STARD13: variants seen among roughly 807,000 people sequenced by gnomAD.
STARD13 encodes stAR-related lipid transfer protein 13.
Under a neutral mutation model 106.4 loss-of-function variants are expected in STARD13, and 62 were observed. That is an observed-to-expected ratio of 0.58 (90% confidence interval 0.48 to 0.72). STARD13 has a LOEUF of 0.72. Ranked by LOEUF, STARD13 falls within the 30% of genes least tolerant of loss-of-function variation. STARD13 has a pLI of 0.00. For missense variants in STARD13, 1,387 were observed against 1,424.0 expected (o/e 0.97, Z 0.42); for synonymous variants, 565 against 553.0 (o/e 1.02, Z -0.31).
chr13:33,165,519 G>T, intron 2 of STARD13, 101 bp from the exon 3 acceptor site: 1 of 819,790 alleles, frequency 1.2e-6, no homozygotes, highest in Non-Finnish European at 2.0e-6. Context: ...GATTTTAATA[G>T]CAGTGACTGC....
chr13:33,528,243 C>CATATATATATACATATATATAT, the STARD13 span, among the ~76,000 whole-genome samples: 8 of 93,478 alleles, frequency 8.6e-5, no homozygotes, highest in African/African-American at 5.0e-4. Context: ...TATATATATA[C>CATATATATATACATATATATAT]ATATATATAT....
the STARD13 span, among the ~76,000 whole-genome samples, chr13:33,607,119 G>A: frequency 2.9e-3 from 430 of 147,850 alleles, 3 homozygotes; most frequent in African/African-American, 0.01. Flanking sequence ...TTTGCCTACC[G>A]CAACTGATTT....
chr13:33,527,617 G>A, the STARD13 span, among the ~76,000 whole-genome samples: 2 of 151,866 alleles, frequency 1.3e-5, no homozygotes, highest in Non-Finnish European at 2.9e-5. Flanking sequence ...TCCAAGCCAG[G>A]AGAAATAAAG....
At chr13:33,516,362 A>G in the STARD13 span, among the ~76,000 whole-genome samples, 1 of 151,438 alleles carries the variant, frequency 6.6e-6, no homozygotes, top group African/African-American at 2.4e-5. Flanking sequence ...TACTTACCTT[A>G]AGAACACCGA....
the STARD13 span, among the ~76,000 whole-genome samples, chr13:33,503,212 G>A: frequency 6.6e-6 from 1 of 152,114 alleles, no homozygotes; most frequent in African/African-American, 2.4e-5. Flanking sequence ...GTATTTCTGT[G>A]GGATCAGTGG....
intron 6 of STARD13, 27 bp downstream of exon 6, chr13:33,127,346 C>T: frequency 6.5e-7 from 1 of 1,530,002 alleles, no homozygotes; most frequent in African/African-American, 1.4e-5. Flanking sequence ...AGCCAAGGAT[C>T]CCCTCCTAGG....
At chr13:33,527,069 A>G in the STARD13 span, among the ~76,000 whole-genome samples, 1 of 152,066 alleles carries the variant, frequency 6.6e-6, no homozygotes, top group Non-Finnish European at 1.5e-5. Context: ...TATTCCTTAG[A>G]ATTTTTCTTT....
At chr13:33,348,282 A>G (rs2078037708), downstream of STARD13, among the ~76,000 whole-genome samples, 1 of 152,196 alleles carries the variant, frequency 6.6e-6, no homozygotes, top group Non-Finnish European at 1.5e-5. Flanking sequence ...TATATTCACG[A>G]TCTTAAAGTC....
At chr13:33,633,961 G>GT in the STARD13 span, among the ~76,000 whole-genome samples, 5 of 152,076 alleles carry the variant, frequency 3.3e-5, no homozygotes. Flanking sequence ...GACCACATTT[G>GT]TTTTTATCTT....
intron 1 of STARD13, among the ~76,000 whole-genome samples, chr13:33,178,634 C>A (rs1884944001): frequency 6.6e-6 from 1 of 152,192 alleles, no homozygotes; most frequent in Admixed American, 6.5e-5. Context: ...AACTAAGGTC[C>A]TGGACCGTAT....
intron 1 of STARD13, among the ~76,000 whole-genome samples, chr13:33,235,495 A>C (rs1889141485): frequency 6.6e-6 from 1 of 152,206 alleles, no homozygotes; most frequent in South Asian, 2.1e-4. Flanking sequence ...TTTTTCTTTC[A>C]ATTTAAGGGT....
chr13:33,228,513 C>T (rs1888737251), intron 1 of STARD13, among the ~76,000 whole-genome samples: 1 of 151,792 alleles, frequency 6.6e-6, no homozygotes, highest in South Asian at 2.1e-4. Flanking sequence ...GTGAAAGAAA[C>T]TCAGTTCAGA....
chr13:33,296,055 T>C (rs958153111), intron 1 of STARD13, among the ~76,000 whole-genome samples: 1 of 151,108 alleles, frequency 6.6e-6, no homozygotes, highest in Non-Finnish European at 1.5e-5. Flanking sequence ...ACCTCGTCTC[T>C]ACTTAAAAAA....
Position 33,104,881 on chromosome 13 carries a change from A to C in STARD13, c.*712T>G. ...TCATCTAGCTTTAAATTTGGTAATGACTTCTCACCCCCCCATTTGCTTTAA... is the reference window on the plus strand; with the variant it reads ...TCATCTAGCTTTAAATTTGGTAATGCCTTCTCACCCCCCCATTTGCTTTAA... On this transcript the variant is annotated 3_prime_UTR_variant, in exon 14 of 14. Coordinates refer to ENST00000336934, the MANE Select transcript of STARD13 (RefSeq NM_178006.4). 1 of 153,312 alleles carries C rather than the reference A, an allele frequency of 6.5e-6. No homozygotes were observed. The highest frequency in any genetic ancestry group is 1.5e-5 in the Non-Finnish European group (1 of 68,010). The allele number at this position is 153,312 out of a possible 1,614,324, so 9.5% of individuals were successfully genotyped here.
chr13:33,122,881 C>T (rs1452762421), intron 7 of STARD13, among the ~76,000 whole-genome samples: 2 of 151,744 alleles, frequency 1.3e-5, no homozygotes, highest in African/African-American at 2.4e-5. Flanking sequence ...ATGGTGAAAC[C>T]CTATCTCTAT....
At chr13:33,260,027 G>A (rs1890564736) in intron 1 of STARD13, among the ~76,000 whole-genome samples, 2 of 148,938 alleles carry the variant, frequency 1.3e-5, no homozygotes, top group Admixed American at 1.3e-4. Context: ...AAATTAGACA[G>A]TTAAAATATC....
At chr13:33,255,837 T>C (rs1418050726) in intron 1 of STARD13, among the ~76,000 whole-genome samples, 1 of 152,206 alleles carries the variant, frequency 6.6e-6, no homozygotes, top group Non-Finnish European at 1.5e-5. Context: ...TACTCTGAGT[T>C]GAGGAGCTAA....
chr13:33,342,824 T>C (rs1467909479), intron 1 of STARD13, among the ~76,000 whole-genome samples: 2 of 152,262 alleles, frequency 1.3e-5, no homozygotes. Flanking sequence ...GCTCTCTTTC[T>C]ATTTTCCTGA....
At chr13:33,574,752 G>T in the STARD13 span, among the ~76,000 whole-genome samples, 16 of 151,860 alleles carry the variant, frequency 1.1e-4, no homozygotes, top group Admixed American at 2.6e-4. Flanking sequence ...GGAAAAAAAA[G>T]AAATATGGGA....
Sources: gnomAD v4.1 joint callset for allele counts (sites outside exome capture counted in the v4.1 genomes callset) on GRCh38, gnomAD v4.1.1 for gene constraint, MANE v1.5 for transcripts, NCBI Gene and HGNC (gene_info 2026-07-23, HGNC 2026-07-21) for gene names.